Variants in GRAMD1C observed in about 807,000 individuals in gnomAD.
GRAMD1C encodes the protein GRAM domain containing 1C.
GRAMD1C carries 89 observed loss-of-function variants against 97.8 expected under a neutral mutation model. The ratio of observed to expected loss-of-function variants is 0.91; its 90% CI spans 0.77 to 1.09. The LOEUF (loss-of-function observed/expected upper bound fraction) is 1.09. Among genes scored for constraint, GRAMD1C ranks in the 50% least tolerant of loss-of-function variants. The pLI is 0.00. For synonymous variants in GRAMD1C, 256 were observed against 267.0 expected (o/e 0.96, Z 0.40); for missense variants, 740 against 766.4 (o/e 0.97, Z 0.41).
intron 9 of GRAMD1C, among the ~76,000 whole-genome samples, chr3:113,911,884 T>C (rs772294401): frequency 2.0e-4 from 30 of 151,928 alleles, no homozygotes; most frequent in Non-Finnish European, 3.4e-4. Context: ...CCCACCACCA[T>C]GCCCAGCTAA....
intron 14 of GRAMD1C, chr3:113,936,724 A>G: frequency 4.6e-6 from 1 of 219,718 alleles, no homozygotes; most frequent in East Asian, 1.1e-4. Flanking sequence ...TTTTTTCTAG[A>G]TAGGGTCTCG....
At chr3:113,943,030 T>C (rs1937879606) in intron 17 of GRAMD1C, among the ~76,000 whole-genome samples, 1 of 152,208 alleles carries the variant, frequency 6.6e-6, no homozygotes. Flanking sequence ...CTTGCCCTTA[T>C]AGCTTTATGC....
chr3:113,854,187 G>T (rs1482690208), intron 2 of GRAMD1C, among the ~76,000 whole-genome samples: 2 of 152,056 alleles, frequency 1.3e-5, no homozygotes, highest in South Asian at 2.1e-4. Context: ...TTGATATATG[G>T]ATAGAAAGGT....
At chr3:113,916,216 A>G (rs1936805159) in intron 10 of GRAMD1C, among the ~76,000 whole-genome samples, 2 of 152,246 alleles carry the variant, frequency 1.3e-5, no homozygotes, top group South Asian at 2.1e-4. Context: ...TACTAAAGGT[A>G]TGAATTCTCT....
At chr3:113,837,897 G>T (rs575576516), upstream of GRAMD1C, among the ~76,000 whole-genome samples, 87 of 152,332 alleles carry the variant, frequency 5.7e-4, 2 homozygotes, top group South Asian at 0.018. Flanking sequence ...AATAGAGCCA[G>T]AACCTGTCTC....
In GRAMD1C at chr3:113,895,458, C is replaced by T. The variant is rs912296244; in HGVS notation, c.541-5573C>T. On this transcript the variant is annotated intron_variant, in intron 6 of 17. Transcript: ENST00000358160. ...ACAAAGCCTATGTCAGCCACTGAGA[C>T]CTTTTGGAGGAGTGTCATCCAGCTT... Among the ~76,000 whole-genome samples the T allele has an allele frequency of 4.6e-5, 7 of 152,254 alleles. No individual in the cohort carries two copies. The East Asian group carries it at 1.4e-3, about 29-fold the overall frequency.
chr3:113,865,582 A>G (rs1934552691), intron 2 of GRAMD1C, among the ~76,000 whole-genome samples: 1 of 152,226 alleles, frequency 6.6e-6, no homozygotes, highest in Non-Finnish European at 1.5e-5. Context: ...ATTTTAGAGA[A>G]CTACAAGAAA....
Position 113,869,563 on chromosome 3 carries a change from TC to T in GRAMD1C, c.232del (p.Leu78TyrfsTer7). On this transcript the variant is annotated frameshift_variant, in exon 3 of 18. Transcript: ENST00000358160. LOFTEE classifies it high-confidence loss of function. ...AGGAATACAGAAGACAGTTCACACA[TC>T]TACCTGATACAGAGAGGCTGATAGC... Reference protein sequence around the residue: ...NEEYRRQFTHLPDTERLIADY... With the variant: ...NEEYRRQFTHXPDTERLIADY... 1 of 1,543,020 alleles carries T rather than the reference TC, an allele frequency of 6.5e-7. No homozygotes were observed. Among genetic ancestry groups the T allele is most frequent in the Middle Eastern group, 1.7e-4 (1 of 5,926 alleles).
upstream of GRAMD1C, among the ~76,000 whole-genome samples, chr3:113,835,850 G>A (rs919965670): frequency 8.5e-5 from 13 of 152,126 alleles, no homozygotes; most frequent in Admixed American, 2.0e-4. Flanking sequence ...GTTCTGTGAC[G>A]TTTTTTATGT....
At position 113,856,599 on chromosome 3, in the gene GRAMD1C, G is replaced by C. The variant is rs142776207; in HGVS notation, c.174+11950G>C. Among the ~76,000 whole-genome samples the C allele has an allele frequency of 5.4e-3, 829 of 152,280 alleles. 1 individual carries two copies. Among genetic ancestry groups the C allele is most frequent in the Non-Finnish European group, 8.8e-3 (596 of 68,008 alleles). On this transcript the variant is annotated intron_variant, in intron 2 of 17. Coordinates refer to ENST00000358160, the MANE Select transcript of GRAMD1C (RefSeq NM_017577.5). ...CTGTCGCCCAGGCGGGAGTGCAGTGGTGCGATCTCAGCTCACTGCAGCCTC... is the reference window on the plus strand; with the variant it reads ...CTGTCGCCCAGGCGGGAGTGCAGTGCTGCGATCTCAGCTCACTGCAGCCTC...
intron 4 of GRAMD1C, chr3:113,875,889 T>C (rs1935010789): frequency 7.3e-6 from 3 of 411,880 alleles, no homozygotes; most frequent in Non-Finnish European, 1.3e-5. Context: ...TTTTTGTTTG[T>C]GTGTTAATGT....
chr3:113,892,839 C>CT (rs1172984898), intron 6 of GRAMD1C, among the ~76,000 whole-genome samples: 1 of 151,924 alleles, frequency 6.6e-6, no homozygotes, highest in African/African-American at 2.4e-5. Flanking sequence ...CTCCTCAGCT[C>CT]TTTTTTTTCA....
At chr3:113,900,052 T>C (rs1936102701) in intron 6 of GRAMD1C, among the ~76,000 whole-genome samples, 1 of 152,074 alleles carries the variant, frequency 6.6e-6, no homozygotes, top group Non-Finnish European at 1.5e-5. Context: ...ACTGGTTAGA[T>C]TGCAGAACTA....
At chr3:113,841,571 C>T (rs1021157316) in intron 1 of GRAMD1C, among the ~76,000 whole-genome samples, 18 of 152,106 alleles carry the variant, frequency 1.2e-4, no homozygotes, top group Admixed American at 3.9e-4. Context: ...TACAGCATGG[C>T]GTGAGCCACC....
chr3:113,838,877 C>G lies in GRAMD1C; in HGVS notation c.-33C>G, dbSNP rs1317082324. The G allele has an allele frequency of 8.1e-7, 1 of 1,228,234 alleles. No individual in the cohort carries two copies. Among genetic ancestry groups the G allele is most frequent in the South Asian group, 4.1e-5 (1 of 24,354 alleles). 76.1% of individuals were successfully genotyped at this position (1,228,234 alleles called of 1,614,324 possible). ...GCGGGGCGGTGCGGTGCGGTGCGCG[C>G]GGGGCGGTGCCGCGGCGGCGGAGGG... On this transcript the variant is annotated 5_prime_UTR_variant, in exon 1 of 18. Coordinates refer to ENST00000358160, the MANE Select transcript of GRAMD1C (RefSeq NM_017577.5).
intron 11 of GRAMD1C, among the ~76,000 whole-genome samples, chr3:113,932,104 C>T (rs1290652673): frequency 6.6e-6 from 1 of 152,046 alleles, no homozygotes; most frequent in Non-Finnish European, 1.5e-5. Context: ...TATCTGTGAC[C>T]AGAGTGGCAG....
intron 2 of GRAMD1C, among the ~76,000 whole-genome samples, chr3:113,865,716 C>T (rs535753594): frequency 6.6e-6 from 1 of 152,210 alleles, no homozygotes; most frequent in African/African-American, 2.4e-5. Flanking sequence ...GTGTATTAGA[C>T]CTCCTCACTG....
rs150695402 is a variant in GRAMD1C at position 113,940,267 on chromosome 3, A to C, written c.1830A>C (p.Ala610=). 4.9e-5 allele frequency: 78 copies of C among 1,607,328 alleles called. No individual in the cohort carries two copies. The highest frequency in any genetic ancestry group is 6.0e-5 in the Non-Finnish European group (71 of 1,173,814). ...LNLASDMVSR[A]ETIQKNKDQA... is the part of the protein sequence containing the mutation. ...TAGCCTCTGATATGGTGTCAAGAGC[A>C]GAAACTATTCAGAAGAATAAAGATC... Residue 610 remains alanine (A), a synonymous_variant, in exon 17 of 18, where the codon GCA becomes GCC. Transcript: ENST00000358160.
At chr3:113,834,961 C>T (rs969781041), upstream of GRAMD1C, among the ~76,000 whole-genome samples, 10 of 144,912 alleles carry the variant, frequency 6.9e-5, no homozygotes, top group Non-Finnish European at 1.2e-4. Context: ...AAAAAAGACA[C>T]TGATATTTCC....
Sources: allele counts gnomAD v4.1 joint callset (sites outside exome capture counted in the v4.1 genomes callset), GRCh38; gene constraint gnomAD v4.1.1; transcripts MANE v1.5; gene names NCBI Gene and HGNC (gene_info 2026-07-23, HGNC 2026-07-21).